TIRAP: variants seen among roughly 807,000 people sequenced by gnomAD.
The protein encoded by TIRAP is TIR domain containing adaptor protein.
In TIRAP, 20 loss-of-function variants were observed where a neutral mutation model predicts 19.8. The ratio of observed to expected loss-of-function variants is 1.01; its 90% CI spans 0.71 to 1.47. The LOEUF is 1.47. Among genes scored for constraint, TIRAP ranks in the 40% most tolerant of loss-of-function variants. The probability of loss-of-function intolerance (pLI) is 0.00; values close to 1 mark genes in which losing one functional copy is unlikely to be tolerated. For missense variants in TIRAP, 276 were observed against 285.1 expected (o/e 0.97, Z 0.23); for synonymous variants, 125 against 121.7 (o/e 1.03, Z -0.18).
chr11:126,285,260 T>TATATATATATATATATAAAA (rs773653398), intron 1 of TIRAP, among the ~76,000 whole-genome samples: 2 of 135,452 alleles, frequency 1.5e-5, no homozygotes, highest in Non-Finnish European at 3.2e-5. Context: ...TATATATATA[T>TATATATATATATATATAAAA]AATATATATT....
chr11:126,293,765 C>T lies in TIRAP; in HGVS notation c.*78C>T, dbSNP rs1344094820. 1.3e-6 allele frequency: 2 copies of T among 1,507,296 alleles called. No homozygotes were observed. The highest frequency in any genetic ancestry group is 3.3e-5 in the Admixed American group (2 of 59,828). The allele number at this position is 1,507,296 out of a possible 1,614,324, so 93.4% of individuals were successfully genotyped here. ...ACCCATGCAGGGCCTCGGATTCCCA[C>T]AAATGTGACAAGAGGTATAGGGAGT... On this transcript the variant is annotated 3_prime_UTR_variant, in exon 5 of 5. Coordinates refer to ENST00000392679, the MANE Select transcript of TIRAP (RefSeq NM_001318777.2).
chr11:126,294,288 C>G lies in TIRAP; in HGVS notation c.*601C>G, dbSNP rs1340716239. On this transcript the variant is annotated 3_prime_UTR_variant, in exon 5 of 5. Coordinates refer to ENST00000392679, the MANE Select transcript of TIRAP (RefSeq NM_001318777.2). ...TCTTCCCAGAGACATCGATTCACTT[C>G]AAAGAGCTGTAGGGAAGATGCAGTC... 3 of 294,816 alleles carry G rather than the reference C, an allele frequency of 1.0e-5. No homozygotes were observed. Among genetic ancestry groups the G allele is most frequent in the East Asian group, 1.7e-4 (2 of 11,592 alleles). The allele number at this position is 294,816 out of a possible 1,614,324, so 18.3% of individuals were successfully genotyped here.
At chr11:126,289,011 A>G (rs1455644522) in intron 1 of TIRAP, among the ~76,000 whole-genome samples, 2 of 152,176 alleles carry the variant, frequency 1.3e-5, no homozygotes, top group African/African-American at 4.8e-5. Flanking sequence ...TGAAATCCCA[A>G]GCATATTAGG....
chr11:126,285,243 G>GTGTGTGTGTGTGTATATATATATATATA, intron 1 of TIRAP, among the ~76,000 whole-genome samples: 1 of 106,972 alleles, frequency 9.3e-6, no homozygotes, highest in Non-Finnish European at 1.9e-5. Flanking sequence ...GTGTGTGTGT[G>GTGTGTGTGTGTGTATATATATATATATA]TATATATATA....
chr11:126,291,500 T>A lies in TIRAP; in HGVS notation c.67+539T>A. Reference sequence around the variant, plus strand: ...CTGACATACCTGACACTGCATTATCTCAGTTAACTTTCAGCAACTAAGACA... The same window carrying A: ...CTGACATACCTGACACTGCATTATCACAGTTAACTTTCAGCAACTAAGACA... On this transcript the variant is annotated intron_variant, in intron 3 of 4. Coordinates refer to ENST00000392679, the MANE Select transcript of TIRAP (RefSeq NM_001318777.2). This position sits in a 1 kb window ranked among gnomAD's most constrained non-coding sequence, Gnocchi z 5.6. 9.4e-7 allele frequency: 1 copy of A among 1,064,966 alleles called. No individual in the cohort carries two copies. The highest frequency in any genetic ancestry group is 1.3e-6 in the Non-Finnish European group (1 of 779,250). The allele number at this position is 1,064,966 out of a possible 1,614,324, so 66.0% of individuals were successfully genotyped here.
intron 1 of TIRAP, among the ~76,000 whole-genome samples, chr11:126,286,657 T>A (rs557664107): frequency 1.3e-5 from 2 of 152,350 alleles, no homozygotes; most frequent in South Asian, 4.1e-4. Flanking sequence ...TTTAAAGATG[T>A]AAAAACTGTT....
Position 126,290,690 on chromosome 11 carries a change from A to G in TIRAP, c.-93+105A>G. 1.5e-6 allele frequency: 2 copies of G among 1,362,106 alleles called. No homozygotes were observed. The highest frequency in any genetic ancestry group is 1.9e-6 in the Non-Finnish European group (2 of 1,061,034). 84.4% of individuals were successfully genotyped at this position (1,362,106 alleles called of 1,614,324 possible). Reference sequence around the variant, plus strand: ...TGAGGAATGAAAGACCCATTTAGAGAAGAAGCCTCTGTCAGGCATTAGGAG... The same window carrying G: ...TGAGGAATGAAAGACCCATTTAGAGGAGAAGCCTCTGTCAGGCATTAGGAG... On this transcript the variant is annotated intron_variant, in intron 2 of 4. Transcript: ENST00000392679. The surrounding 1 kb of genome is among the most constrained non-coding windows in gnomAD (Gnocchi z 4.9).
chr11:126,293,767 A>T lies in TIRAP; in HGVS notation c.*80A>T, dbSNP rs755014520. The T allele has an allele frequency of 4.6e-6, 7 of 1,510,148 alleles. No individual in the cohort carries two copies. The African/African-American group carries it at 9.6e-5, about 21-fold the overall frequency. The allele number at this position is 1,510,148 out of a possible 1,614,324, so 93.5% of individuals were successfully genotyped here. On this transcript the variant is annotated 3_prime_UTR_variant, in exon 5 of 5. Transcript: ENST00000392679. The stretch of plus-strand genomic sequence containing the variant: ...CCATGCAGGGCCTCGGATTCCCACA[A>T]ATGTGACAAGAGGTATAGGGAGTGA...
At position 126,285,231 on chromosome 11, in the gene TIRAP, A is replaced by ATGTG. The variant is rs149540450; in HGVS notation, c.-217+2088_-217+2091dup. Among the ~76,000 whole-genome samples, 81 of 128,724 alleles carry ATGTG rather than the reference A, an allele frequency of 6.3e-4. 1 individual carries two copies. Among genetic ancestry groups the ATGTG allele is most frequent in the African/African-American group, 1.4e-3 (51 of 35,832 alleles). 84.4% of individuals were successfully genotyped at this position (128,724 alleles called of 152,430 possible). On this transcript the variant is annotated intron_variant, in intron 1 of 4. Transcript: ENST00000392679. The stretch of plus-strand genomic sequence containing the variant: ...GTGATATAAGACATTTATTGGATAT[A>ATGTG]TGTGTGTGTGTGTATATATATATAT...
At position 126,292,788 on chromosome 11, in the gene TIRAP, G is replaced by A. The variant is rs748387019; in HGVS notation, c.379G>A (p.Gly127Ser). The change falls in exon 4 of 5, where the codon GGC becomes AGC. Residue 127 changes from glycine to serine, a missense_variant. Transcript: ENST00000392679. ...GCAACTCCGGGATGCAACCCCAGGC[G>A]GCGCTATAGTGTCCGAGCTGTGCCA... ...FLQLRDATPG[G>S]AIVSELCQAL... 8.6e-5 allele frequency: 139 copies of A among 1,612,732 alleles called. No homozygotes were observed. Among genetic ancestry groups the A allele is most frequent in the Non-Finnish European group, 1.1e-4 (127 of 1,179,770 alleles).
chr11:126,288,279 C>T lies in TIRAP; in HGVS notation c.-216-2183C>T, dbSNP rs768889549. Among the ~76,000 whole-genome samples the T allele has an allele frequency of 3.3e-5, 5 of 152,202 alleles. No homozygotes were observed. Among genetic ancestry groups the T allele is most frequent in the Non-Finnish European group, 7.3e-5 (5 of 68,046 alleles). On this transcript the variant is annotated intron_variant, in intron 1 of 4. Coordinates refer to ENST00000392679, the MANE Select transcript of TIRAP (RefSeq NM_001318777.2). This position sits in a 1 kb window ranked among gnomAD's most constrained non-coding sequence, Gnocchi z 5.0. ...TTTCAAAGCACAAAGAAAGCGACTG[C>T]GTATTAGACCACACAGCAAATCAGA... is the stretch of plus-strand genomic sequence containing the variant.
rs533653624 is a variant in TIRAP, at chr11:126,283,598, A to G, written c.-217+445A>G. On this transcript the variant is annotated intron_variant, in intron 1 of 4. Coordinates refer to ENST00000392679, the MANE Select transcript of TIRAP (RefSeq NM_001318777.2). ...GTTAGGGTCAGGGACCTATCGAGGC[A>G]TTACACCACAGTCATGGGCAGCTAC... 3.3e-5 allele frequency among the ~76,000 whole-genome samples: 5 copies of G among 152,346 alleles called. No individual in the cohort carries two copies. In the South Asian group the frequency reaches 1.0e-3, roughly 32 times the overall value.
At chr11:126,293,200 C>A in intron 4 of TIRAP, 145 bp downstream of exon 4, 1 of 1,453,680 alleles carries the variant, frequency 6.9e-7, no homozygotes. Context: ...CTGGCTCCTG[C>A]ACTTATTAAC....
chr11:126,289,884 T>G (rs1489766998), intron 1 of TIRAP: 3 of 979,828 alleles, frequency 3.1e-6, no homozygotes, highest in Non-Finnish European at 3.6e-6. Context: ...CCATATAAAT[T>G]TAGAAGCAGT....
intron 1 of TIRAP, among the ~76,000 whole-genome samples, chr11:126,289,014 A>G (rs979267332): frequency 1.3e-5 from 2 of 152,186 alleles, no homozygotes; most frequent in Non-Finnish European, 2.9e-5. Context: ...AATCCCAAGC[A>G]TATTAGGAAA....
intron 4 of TIRAP, chr11:126,293,312 C>T (rs145569484): frequency 7.3e-5 from 54 of 736,296 alleles, no homozygotes; most frequent in Admixed American, 7.0e-4. Flanking sequence ...AGTATATACA[C>T]GAAGGGCTCA....
chr11:126,290,575 G>A lies in TIRAP; in HGVS notation c.-103G>A, dbSNP rs141732221. ...ACAGTTCCTCAGCTGGTCATGCTGA[G>A]CTCATACCCTGTAAGTCTGACCACA... On this transcript the variant is annotated 5_prime_UTR_variant, in exon 2 of 5. Coordinates refer to ENST00000392679, the MANE Select transcript of TIRAP (RefSeq NM_001318777.2). This position sits in a 1 kb window ranked among gnomAD's most constrained non-coding sequence, Gnocchi z 4.9. 3.4e-4 allele frequency: 373 copies of A among 1,091,272 alleles called. No individual in the cohort carries two copies. The African/African-American group carries it at 5.7e-3, about 17-fold the overall frequency. The allele number at this position is 1,091,272 out of a possible 1,614,324, so 67.6% of individuals were successfully genotyped here. A position where few individuals can be genotyped will look rare whatever the true frequency, so the allele number is the denominator to read the frequency against.
rs1023142638 is a variant in TIRAP, at chr11:126,283,128, C to G, written c.-242C>G. 2 of 985,048 alleles carry G rather than the reference C, an allele frequency of 2.0e-6. No individual in the cohort carries two copies. Among genetic ancestry groups the G allele is most frequent in the Non-Finnish European group, 2.4e-6 (2 of 829,852 alleles). 61.0% of individuals were successfully genotyped at this position (985,048 alleles called of 1,614,324 possible). ...CGGAGCCCGCGCAGTCCGCGCAGCCCTCATCGCAACTGGGCCCGCGCGCAG... is the reference window on the plus strand; with the variant it reads ...CGGAGCCCGCGCAGTCCGCGCAGCCGTCATCGCAACTGGGCCCGCGCGCAG... On this transcript the variant is annotated 5_prime_UTR_variant, in exon 1 of 5. Transcript: ENST00000392679.
At position 126,291,054 on chromosome 11, in the gene TIRAP, C is replaced by T; in HGVS notation, c.67+93C>T. 1 of 1,425,614 alleles carries T rather than the reference C, an allele frequency of 7.0e-7. No individual in the cohort carries two copies. The highest frequency in any genetic ancestry group is 9.4e-7 in the Non-Finnish European group (1 of 1,060,314). 88.3% of individuals were successfully genotyped at this position (1,425,614 alleles called of 1,614,324 possible). ...GTGGGAGGCCTGCCTGGTCCAAACT[C>T]AGAGAGACGCAGGAAGGCTGACGTG... On this transcript the variant is annotated intron_variant, in intron 3 of 4. Coordinates refer to ENST00000392679, the MANE Select transcript of TIRAP (RefSeq NM_001318777.2). The surrounding 1 kb of genome is among the most constrained non-coding windows in gnomAD (Gnocchi z 5.6).
Sources: gnomAD v4.1 joint callset for allele counts (sites outside exome capture counted in the v4.1 genomes callset) on GRCh38, gnomAD v4.1.1 for gene constraint, Gnocchi (gnomAD v3.1) non-coding constraint, MANE v1.5 for transcripts, NCBI Gene and HGNC (gene_info 2026-07-23, HGNC 2026-07-21) for gene names.